DEFB116: variants seen among roughly 807,000 people sequenced by gnomAD.
The protein encoded by DEFB116 is defensin beta 116.
DEFB116 carries 5 observed loss-of-function variants against 2.8 expected under a neutral mutation model. The ratio of observed to expected loss-of-function variants is 1.80; its 90% confidence interval spans 0.94 to 3.79. DEFB116 has a LOEUF of 3.79. Among genes scored for constraint, DEFB116 ranks in the 30% most tolerant of loss-of-function variants. The pLI is 0.00. For missense variants in DEFB116, 170 were observed against 118.0 expected (o/e 1.44, Z -2.04); for synonymous variants, 56 against 40.8 (o/e 1.37, Z -1.42).
At chr20:31,305,470 T>C (rs1434459721) in intron 1 of DEFB116, among the ~76,000 whole-genome samples, 1 of 152,116 alleles carries the variant, frequency 6.6e-6, no homozygotes, top group Non-Finnish European at 1.5e-5. Context: ...CCTACAGTGA[T>C]TTAAATAAAT....
chr20:31,305,888 A>C (rs1018789616), intron 1 of DEFB116, among the ~76,000 whole-genome samples: 1 of 152,118 alleles, frequency 6.6e-6, no homozygotes, highest in African/African-American at 2.4e-5. Flanking sequence ...AGGAGAGGCC[A>C]GAGCAAGGGT....
chr20:31,308,479 C>T (rs1985046442), intron 1 of DEFB116, 40 bp downstream of exon 1: 1 of 1,605,996 alleles, frequency 6.2e-7, no homozygotes. Flanking sequence ...ACCAGTACCA[C>T]ATGCAAGACG....
intron 1 of DEFB116, among the ~76,000 whole-genome samples, chr20:31,305,063 A>T (rs1463187372): frequency 2.0e-5 from 3 of 152,060 alleles, no homozygotes; most frequent in Non-Finnish European, 2.9e-5. Context: ...AGGGATTTCA[A>T]CTGCTCCAAC....
intron 1 of DEFB116, among the ~76,000 whole-genome samples, chr20:31,306,204 C>A (rs938048924): frequency 3.9e-5 from 6 of 152,126 alleles, no homozygotes; most frequent in African/African-American, 1.4e-4. Context: ...TGTTTATTAG[C>A]CATGATTCAT....
At position 31,308,532 on chromosome 20, in the gene DEFB116, A is replaced by G; in HGVS notation, c.54T>C (p.Ala18=). The stretch of plus-strand genomic sequence containing the variant: ...GGCCTGAGTTACCTGGAGTCTTTTG[A>G]GCCAGGATCATAAGGATGGCAATGG... ...LMTIAILMIL[A]QKTPGGLFRS... Residue 18 remains alanine, a synonymous_variant, in exon 1 of 2, where the codon GCT becomes GCC. Coordinates refer to ENST00000400549, the MANE Select transcript of DEFB116 (RefSeq NM_001037731.1). 1.2e-6 allele frequency: 2 copies of G among 1,613,560 alleles called. No individual in the cohort carries two copies. Among genetic ancestry groups the G allele is most frequent in the South Asian group, 2.2e-5 (2 of 91,076 alleles).
At chr20:31,305,998 A>T (rs1011134470) in intron 1 of DEFB116, among the ~76,000 whole-genome samples, 2 of 152,090 alleles carry the variant, frequency 1.3e-5, no homozygotes, top group Non-Finnish European at 2.9e-5. Flanking sequence ...GACATTGCCC[A>T]GCTCATTTTT....
intron 1 of DEFB116, among the ~76,000 whole-genome samples, chr20:31,306,832 G>C (rs1985000712): frequency 6.6e-6 from 1 of 152,072 alleles, no homozygotes; most frequent in Admixed American, 6.6e-5. Context: ...TACATGCCAA[G>C]ATTTGACAGG....
At chr20:31,307,836 A>G (rs1427208777) in intron 1 of DEFB116, among the ~76,000 whole-genome samples, 1 of 151,936 alleles carries the variant, frequency 6.6e-6, no homozygotes, top group Non-Finnish European at 1.5e-5. Context: ...GGCAAACACT[A>G]ACTACAACTC....
chr20:31,305,747 C>G (rs1185596857), intron 1 of DEFB116, among the ~76,000 whole-genome samples: 3 of 152,008 alleles, frequency 2.0e-5, no homozygotes. Flanking sequence ...GGAGACTTTG[C>G]ACCAAATTAG....
chr20:31,305,385 A>G (rs1411583280), intron 1 of DEFB116, among the ~76,000 whole-genome samples: 1 of 152,152 alleles, frequency 6.6e-6, no homozygotes, highest in Non-Finnish European at 1.5e-5. Flanking sequence ...GGATGGATAG[A>G]AACACAGATA....
intron 1 of DEFB116, among the ~76,000 whole-genome samples, chr20:31,303,726 G>C (rs1984934770): frequency 6.6e-6 from 1 of 152,052 alleles, no homozygotes; most frequent in Non-Finnish European, 1.5e-5. Context: ...CATGTATGTA[G>C]TATTTTCAAA....
At chr20:31,308,465 A>T in intron 1 of DEFB116, 54 bp downstream of exon 1, 2 of 1,586,264 alleles carry the variant, frequency 1.3e-6, no homozygotes, top group South Asian at 2.2e-5. Context: ...GAGGTCACCA[A>T]GATACCAGTA....
chr20:31,303,355 T>C lies in DEFB116; in HGVS notation c.166A>G (p.Ile56Val). The C allele has an allele frequency of 6.2e-7, 1 of 1,613,628 alleles. No individual in the cohort carries two copies. The change falls in exon 2 of 2, where the codon ATC (isoleucine) becomes GTC (valine). Residue 56 changes from isoleucine to valine, a missense_variant. Physicochemically the swap from Ile to Val is conservative, Grantham distance 29. Coordinates refer to ENST00000400549, the MANE Select transcript of DEFB116 (RefSeq NM_001037731.1). ...MCRNACREYE[I>V]QYLTCPNDQK... ...TCATTTGGGCAGGTTAAGTATTGGA[T>C]TTCATATTCTCTGCAGGCGTTTCTG...
Position 31,304,763 on chromosome 20 carries a change from C to T in DEFB116, c.68-1310G>A, listed in dbSNP as rs1411018642. Among the ~76,000 whole-genome samples the T allele has an allele frequency of 2.6e-5, 4 of 152,146 alleles. No homozygotes were observed. In the East Asian group the frequency reaches 7.7e-4, roughly 29 times the overall value. On this transcript the variant is annotated intron_variant, in intron 1 of 1. Transcript: ENST00000400549. The stretch of plus-strand genomic sequence containing the variant: ...CCCTCATTCCACACCCATTTATGAA[C>T]ACTCTGTGTCAGGCCATGGACTCAG...
At chr20:31,305,698 C>A (rs6061162) in intron 1 of DEFB116, among the ~76,000 whole-genome samples, 7 of 151,806 alleles carry the variant, frequency 4.6e-5, no homozygotes, top group African/African-American at 1.7e-4. Flanking sequence ...ATATTTTAAC[C>A]CTCTGGACCC....
At chr20:31,307,565 G>T (rs6058531) in intron 1 of DEFB116, among the ~76,000 whole-genome samples, 11 of 151,940 alleles carry the variant, frequency 7.2e-5, no homozygotes, top group African/African-American at 2.2e-4. Context: ...AATAAACAAG[G>T]GGATTGCAGC....
chr20:31,306,124 T>A (rs1984986335), intron 1 of DEFB116, among the ~76,000 whole-genome samples: 1 of 152,132 alleles, frequency 6.6e-6, no homozygotes, highest in Non-Finnish European at 1.5e-5. Context: ...GATATATTAT[T>A]TCTCTGCCTG....
Position 31,308,531 on chromosome 20 carries a change from G to T in DEFB116, c.55C>A (p.Gln19Lys), listed in dbSNP as rs756559816. 1.4e-5 allele frequency: 22 copies of T among 1,613,554 alleles called. No homozygotes were observed. Among genetic ancestry groups the T allele is most frequent in the Non-Finnish European group, 1.9e-5 (22 of 1,179,548 alleles). The change falls in exon 1 of 2, where the codon CAA (glutamine) becomes AAA (lysine). Residue 19 changes from glutamine to lysine, a missense_variant. By Grantham distance (53) the Gln-to-Lys change is moderately conservative (BLOSUM62 1). Transcript: ENST00000400549. ...MTIAILMILA[Q>K]KTPGGLFRSH... ...AGGCCTGAGTTACCTGGAGTCTTTT[G>T]AGCCAGGATCATAAGGATGGCAATG...
intron 1 of DEFB116, 87 bp from the exon 2 acceptor site, chr20:31,303,540 T>A (rs753121340): frequency 1.3e-4 from 201 of 1,510,982 alleles, no homozygotes; most frequent in Middle Eastern, 6.0e-4. Context: ...GCCCTAAGAC[T>A]ATTAAGGGCA....
Sources: gnomAD v4.1 joint callset for allele counts (sites outside exome capture counted in the v4.1 genomes callset) on GRCh38, gnomAD v4.1.1 for gene constraint, MANE v1.5 for transcripts, NCBI Gene and HGNC (gene_info 2026-07-23, HGNC 2026-07-21) for gene names.